The following PCDHGA6 variants were observed in gnomAD, a reference collection of about 807,000 sequenced individuals.
PCDHGA6 encodes the protein protocadherin gamma subfamily A, 6, also known as protocadherin gamma-A6.
PCDHGA6 carries 41 observed loss-of-function variants against 60.6 expected under a neutral mutation model. The ratio of observed to expected loss-of-function variants is 0.68; its 90% CI spans 0.53 to 0.88. The LOEUF (loss-of-function observed/expected upper bound fraction) is 0.88. Among genes scored for constraint, PCDHGA6 ranks in the 40% least tolerant of loss-of-function variants. The probability of loss-of-function intolerance (pLI) is 0.00; values close to 1 mark genes in which losing one functional copy is unlikely to be tolerated. For synonymous variants in PCDHGA6, 594 were observed against 524.4 expected (o/e 1.13, Z -1.81); for missense variants, 1,312 against 1,203.0 (o/e 1.09, Z -1.34).
chr5:141,491,227 C>T lies in PCDHGA6; in HGVS notation c.2425-3580C>T. 6.2e-7 allele frequency: 1 copy of T among 1,614,216 alleles called. No homozygotes were observed. The highest frequency in any genetic ancestry group is 8.5e-7 in the Non-Finnish European group (1 of 1,180,018). On this transcript the variant is annotated intron_variant, in intron 1 of 3. Coordinates refer to ENST00000517434, the MANE Select transcript of PCDHGA6 (RefSeq NM_018919.3). The surrounding 1 kb of genome is among the most constrained non-coding windows in gnomAD (Gnocchi z 6.9). Reference sequence around the variant, plus strand: ...TTCACTCTCCTCCACAGCCACAGTGCTGCTGGTTCTGGAGGATGAGGACCC... The same window carrying T: ...TTCACTCTCCTCCACAGCCACAGTGTTGCTGGTTCTGGAGGATGAGGACCC...
At chr5:141,422,458 C>T (rs375149811) in intron 1 of PCDHGA6, 264 of 1,613,148 alleles carry the variant, frequency 1.6e-4, no homozygotes, top group Non-Finnish European at 2.1e-4. Context: ...AAGCAGAGTG[C>T]TGGACAGGGA....
At chr5:141,503,804 G>A (rs2099831736) in intron 2 of PCDHGA6, among the ~76,000 whole-genome samples, 1 of 152,034 alleles carries the variant, frequency 6.6e-6, no homozygotes, top group South Asian at 2.1e-4. Flanking sequence ...TAGGGACGGG[G>A]AATCCCAGAT....
intron 1 of PCDHGA6, chr5:141,423,757 G>T (rs562479446): frequency 7.3e-5 from 29 of 395,130 alleles, no homozygotes; most frequent in Non-Finnish European, 9.5e-5. Flanking sequence ...GTTTGGGGGG[G>T]GGGTGGGGCG....
intron 1 of PCDHGA6, among the ~76,000 whole-genome samples, chr5:141,481,103 C>G (rs190529217): frequency 2.6e-4 from 39 of 152,252 alleles, no homozygotes; most frequent in Non-Finnish European, 3.4e-4. Context: ...TACTCTGGAA[C>G]CTACCAATCC....
At chr5:141,437,096 C>T (rs989863634) in intron 1 of PCDHGA6, among the ~76,000 whole-genome samples, 6 of 152,122 alleles carry the variant, frequency 3.9e-5, no homozygotes, top group Non-Finnish European at 8.8e-5. Context: ...AAACTAACGG[C>T]TTAGCTTTAG....
chr5:141,420,511 A>G (rs958868048), intron 1 of PCDHGA6: 23 of 419,992 alleles, frequency 5.5e-5, no homozygotes, highest in Middle Eastern at 6.5e-4. Context: ...ATTTTTATGA[A>G]GTAAAATACC....
At chr5:141,413,295 T>C in intron 1 of PCDHGA6, 1 of 1,613,940 alleles carries the variant, frequency 6.2e-7, no homozygotes, top group Middle Eastern at 1.7e-4. Context: ...ACTCAATTCC[T>C]GAGGAATTAG....
chr5:141,489,040 C>G lies in PCDHGA6; in HGVS notation c.2425-5767C>G. On this transcript the variant is annotated intron_variant, in intron 1 of 3. Coordinates refer to ENST00000517434, the MANE Select transcript of PCDHGA6 (RefSeq NM_018919.3). This position sits in a 1 kb window ranked among gnomAD's most constrained non-coding sequence, Gnocchi z 4.5. ...CCTCTCCTCCTCCAGCTCCCCAGCT[C>G]CACTCAAATTCAGCTCCCCTCCCCC... 1 of 479,752 alleles carries G rather than the reference C, an allele frequency of 2.1e-6. No homozygotes were observed. The highest frequency in any genetic ancestry group is 3.6e-6 in the Non-Finnish European group (1 of 274,204). 29.7% of individuals were successfully genotyped at this position (479,752 alleles called of 1,614,324 possible). A position where few individuals can be genotyped will look rare whatever the true frequency, so the allele number is the denominator to read the frequency against.
In PCDHGA6 at chr5:141,399,908, C is replaced by T. The variant is rs141997055; in HGVS notation, c.2424+23401C>T. 17,269 of 1,612,412 alleles carry T rather than the reference C, an allele frequency of 0.011. 105 individuals are homozygous for T. Among genetic ancestry groups the T allele is most frequent in the Non-Finnish European group, 0.012 (14,309 of 1,179,754 alleles). On this transcript the variant is annotated intron_variant, in intron 1 of 3. Transcript: ENST00000517434. ...AAGGTAGTGGCCGTGGACGCAGACT[C>T]AGGACACAACGCCTGGCTGTCCTAC... is the stretch of plus-strand genomic sequence containing the variant.
intron 1 of PCDHGA6, chr5:141,403,227 G>C (rs2094378929): frequency 1.2e-6 from 2 of 1,608,848 alleles, no homozygotes; most frequent in African/African-American, 1.3e-5. Context: ...AGGATAGACC[G>C]GGAGGAGCTC....
intron 1 of PCDHGA6, among the ~76,000 whole-genome samples, chr5:141,401,123 C>A (rs1289456548): frequency 1.3e-5 from 2 of 152,156 alleles, no homozygotes; most frequent in Non-Finnish European, 2.9e-5. Flanking sequence ...GCGGTTGGAT[C>A]ACATGGTCAG....
In PCDHGA6 at chr5:141,432,122, G is replaced by C; in HGVS notation, c.2424+55615G>C. On this transcript the variant is annotated intron_variant, in intron 1 of 3. Transcript: ENST00000517434. This position sits in a 1 kb window ranked among gnomAD's most constrained non-coding sequence, Gnocchi z 6.0. ...CGACAACCCGCCGGTCTTCCCTCAG[G>C]CCTCCTATTCCGCTTATATCCCAGA... 6.2e-7 allele frequency: 1 copy of C among 1,614,052 alleles called. No homozygotes were observed. Among genetic ancestry groups the C allele is most frequent in the Non-Finnish European group, 8.5e-7 (1 of 1,180,022 alleles).
chr5:141,400,050 T>C (rs2093950243), intron 1 of PCDHGA6: 2 of 1,613,616 alleles, frequency 1.2e-6, no homozygotes, highest in Non-Finnish European at 1.7e-6. Flanking sequence ...TGCTGGTTGC[T>C]GTGCGTGATG....
intron 1 of PCDHGA6, chr5:141,395,094 G>A (rs192995605): frequency 6.2e-7 from 1 of 1,614,160 alleles, no homozygotes; most frequent in African/African-American, 1.3e-5. Flanking sequence ...CTCCCTCACC[G>A]CCGACTCGCG....
At chr5:141,494,889 A>G (rs2099757275) in intron 2 of PCDHGA6, 24 bp downstream of exon 2, 1 of 1,613,844 alleles carries the variant, frequency 6.2e-7, no homozygotes, top group Admixed American at 1.7e-5. Context: ...TCTCCAGCCC[A>G]CCCTCTTCTC....
At position 141,510,947 on chromosome 5, in the gene PCDHGA6, A is replaced by C; in HGVS notation, c.2573A>C (p.Glu858Ala). Residue 858 changes from glutamate to alanine, a missense_variant and splice_region_variant, in exon 4 of 4, where the codon GAA (glutamate) becomes GCA (alanine). By Grantham distance (107) the Glu-to-Ala change is moderately radical. Transcript: ENST00000517434. ...ACCTGATCTTCCTCTGTCTCTGCAG[A>C]AGCTGCTGATGGGAGCTCCACCCTG... ...LQAMILASAS[E>A]AADGSSTLGG... The C allele has an allele frequency of 6.2e-7, 1 of 1,614,084 alleles. No individual in the cohort carries two copies. Among genetic ancestry groups the C allele is most frequent in the Non-Finnish European group, 8.5e-7 (1 of 1,180,000 alleles).
chr5:141,419,738 C>T (rs745596534), intron 1 of PCDHGA6: 2 of 1,613,796 alleles, frequency 1.2e-6, no homozygotes, highest in Non-Finnish European at 1.7e-6. Flanking sequence ...AGGCGAGGTG[C>T]GCATGGTGCG....
chr5:141,395,547 TGTGTGTGTGTGTGTGTGTGTGTG>T, intron 1 of PCDHGA6: 1 of 173,894 alleles, frequency 5.8e-6, no homozygotes, highest in Non-Finnish European at 1.2e-5. Context: ...ATTGTTTGTG[TGTGTGTGTGTGTGTGTGTGTGTG>T]TGTGTGTGTG....
intron 1 of PCDHGA6, 177 bp from the exon 2 acceptor site, chr5:141,494,630 C>T (rs991482599): frequency 5.8e-6 from 5 of 866,562 alleles, no homozygotes; most frequent in Non-Finnish European, 6.9e-6. Flanking sequence ...GTACCTCAGA[C>T]CTCTGAGACC....
Sources: gnomAD v4.1 joint callset for allele counts (sites outside exome capture counted in the v4.1 genomes callset) on GRCh38, gnomAD v4.1.1 for gene constraint, Gnocchi (gnomAD v3.1) non-coding constraint, MANE v1.5 for transcripts, NCBI Gene and HGNC (gene_info 2026-07-23, HGNC 2026-07-21) for gene names.